CSMD1: variants seen among roughly 807,000 people sequenced by gnomAD.
The protein encoded by CSMD1 is CUB and Sushi multiple domains 1.
Under a neutral mutation model 417.5 loss-of-function variants are expected in CSMD1, and 213 were observed. The ratio of observed to expected loss-of-function variants is 0.51; its 90% CI spans 0.46 to 0.57. The LOEUF (loss-of-function observed/expected upper bound fraction) is 0.57, where lower values mean the gene tolerates loss of function less well. CSMD1 is among the 20% of genes least tolerant of loss of function. The pLI is 0.00. For synonymous variants in CSMD1, 2,862 were observed against 1,736.8 expected, an observed-to-expected ratio of 1.65 and a Z score of -16.11; for missense variants, 6,923 against 4,529.7, an observed-to-expected ratio of 1.53 and a Z score of -15.17.
At chr8:3,652,644 G>A (rs926224533) in intron 7 of CSMD1, among the ~76,000 whole-genome samples, 8 of 152,158 alleles carry the variant, frequency 5.3e-5, no homozygotes, top group African/African-American at 1.7e-4. Flanking sequence ...GGAACCATCA[G>A]ATCTCGTGAG....
At chr8:3,910,676 C>G (rs1018345856) in intron 5 of CSMD1, among the ~76,000 whole-genome samples, 2 of 152,144 alleles carry the variant, frequency 1.3e-5, no homozygotes, top group African/African-American at 4.8e-5. Flanking sequence ...AATCTATAAT[C>G]TATTTTCCCC....
chr8:4,515,394 C>T (rs764594451), intron 2 of CSMD1, among the ~76,000 whole-genome samples: 13 of 151,990 alleles, frequency 8.6e-5, no homozygotes, highest in Non-Finnish European at 1.3e-4. Context: ...GTTATGGGAC[C>T]CATGAAGAGG....
At chr8:4,165,044 G>C (rs1291835885) in intron 3 of CSMD1, among the ~76,000 whole-genome samples, 1 of 152,106 alleles carries the variant, frequency 6.6e-6, no homozygotes, top group South Asian at 2.1e-4. Flanking sequence ...TTCTGTATTG[G>C]TAGAGGCTGT....
At chr8:4,014,532 C>A (rs548384362) in intron 4 of CSMD1, among the ~76,000 whole-genome samples, 5 of 152,148 alleles carry the variant, frequency 3.3e-5, no homozygotes, top group African/African-American at 1.2e-4. Context: ...GACTACTATG[C>A]GATCCTAATA....
At chr8:4,630,672 T>A (rs1361330000) in intron 2 of CSMD1, among the ~76,000 whole-genome samples, 3 of 152,184 alleles carry the variant, frequency 2.0e-5, no homozygotes, top group African/African-American at 7.2e-5. Context: ...GGGAACATTA[T>A]AGGTTTATCT....
At chr8:3,496,529 T>C (rs1239011888) in intron 10 of CSMD1, among the ~76,000 whole-genome samples, 2 of 152,218 alleles carry the variant, frequency 1.3e-5, no homozygotes, top group Non-Finnish European at 2.9e-5. Flanking sequence ...GCACTGCTTT[T>C]ACTATATCTC....
At chr8:3,991,168 C>T (rs970218048) in intron 5 of CSMD1, among the ~76,000 whole-genome samples, 5 of 152,168 alleles carry the variant, frequency 3.3e-5, no homozygotes, top group African/African-American at 1.2e-4. Context: ...GAGAGGGTGC[C>T]TAATCCACCC....
chr8:3,525,172 T>G (rs1438298763), intron 10 of CSMD1, among the ~76,000 whole-genome samples: 1 of 152,166 alleles, frequency 6.6e-6, no homozygotes, highest in African/African-American at 2.4e-5. Flanking sequence ...TCTTCTTGTC[T>G]GTGTTCTGTG....
chr8:4,256,733 T>C (rs1385210019), intron 3 of CSMD1, among the ~76,000 whole-genome samples: 1 of 152,034 alleles, frequency 6.6e-6, no homozygotes, highest in Non-Finnish European at 1.5e-5. Flanking sequence ...CCAGGCACAG[T>C]TACGGGCAGT....
At chr8:4,596,872 G>T (rs1302422934) in intron 2 of CSMD1, among the ~76,000 whole-genome samples, 1 of 152,156 alleles carries the variant, frequency 6.6e-6, no homozygotes, top group Non-Finnish European at 1.5e-5. Context: ...TCTTTCCCAT[G>T]CTATTCTTCT....
At chr8:4,709,704 G>A (rs1438481835) in intron 1 of CSMD1, among the ~76,000 whole-genome samples, 2 of 152,200 alleles carry the variant, frequency 1.3e-5, no homozygotes, top group Non-Finnish European at 2.9e-5. Context: ...ACAGCCTGGG[G>A]CACCTGTGGG....
chr8:3,093,984 T>A (rs571750212), intron 47 of CSMD1, among the ~76,000 whole-genome samples: 1 of 152,322 alleles, frequency 6.6e-6, no homozygotes, highest in Non-Finnish European at 1.5e-5. Flanking sequence ...GGATAATGTA[T>A]ATTCTGAGAT....
intron 10 of CSMD1, among the ~76,000 whole-genome samples, chr8:3,521,953 C>G (rs185898976): frequency 2.0e-5 from 3 of 152,146 alleles, no homozygotes; most frequent in African/African-American, 2.4e-5. Flanking sequence ...TTGGAAAGTA[C>G]AAAAATGCAA....
chr8:4,359,186 C>G (rs1239362109), intron 3 of CSMD1, among the ~76,000 whole-genome samples: 3 of 152,134 alleles, frequency 2.0e-5, no homozygotes, highest in African/African-American at 7.2e-5. Flanking sequence ...AGCAATTTCA[C>G]AAAAGTCCCA....
intron 1 of CSMD1, among the ~76,000 whole-genome samples, chr8:4,724,551 TG>T (rs1689808358): frequency 6.6e-6 from 1 of 151,600 alleles, no homozygotes; most frequent in Admixed American, 6.6e-5. Flanking sequence ...TGTGTGTGTG[TG>T]TGTGTGTGTG....
chr8:3,336,594 G>T (rs1807276805), intron 23 of CSMD1, among the ~76,000 whole-genome samples: 1 of 152,206 alleles, frequency 6.6e-6, no homozygotes. Flanking sequence ...ACCCCGCTCT[G>T]ATTTTGTCTC....
At chr8:2,981,468 C>A (rs538624478) in intron 54 of CSMD1, among the ~76,000 whole-genome samples, 1 of 152,146 alleles carries the variant, frequency 6.6e-6, no homozygotes, top group African/African-American at 2.4e-5. Context: ...TAGGGTAATG[C>A]GTCAGAAAGA....
At position 3,890,320 on chromosome 8, in the gene CSMD1, T is replaced by G. The variant is rs544095959; in HGVS notation, c.818+107583A>C. Among the ~76,000 whole-genome samples, 270 of 152,266 alleles carry G rather than the reference T, an allele frequency of 1.8e-3. 2 individuals are homozygous for G. The highest frequency in any genetic ancestry group is 1.6e-3 in the Non-Finnish European group (111 of 68,022). On this transcript the variant is annotated intron_variant, in intron 5 of 69. Transcript: ENST00000635120. ...AAAAATATTAATATTAATGGAGAATTGCACACTTGAATTCAACAGGCACTG... is the reference window on the plus strand; with the variant it reads ...AAAAATATTAATATTAATGGAGAATGGCACACTTGAATTCAACAGGCACTG...
chr8:3,276,723 A>C (rs1802323055), intron 26 of CSMD1, among the ~76,000 whole-genome samples: 1 of 152,196 alleles, frequency 6.6e-6, no homozygotes, highest in Admixed American at 6.5e-5. Flanking sequence ...AGCTCAGCTC[A>C]ATTACAAAGC....
Sources: gnomAD v4.1 joint callset for allele counts (sites outside exome capture counted in the v4.1 genomes callset) on GRCh38, gnomAD v4.1.1 for gene constraint, MANE v1.5 for transcripts, NCBI Gene and HGNC (gene_info 2026-07-23, HGNC 2026-07-21) for gene names.